PDGFD: variants seen among roughly 807,000 people sequenced by gnomAD.
PDGFD encodes platelet derived growth factor D.
PDGFD carries 30 observed loss-of-function variants against 44.7 expected under a neutral mutation model. That is an observed-to-expected ratio of 0.67 (90% CI 0.50 to 0.91). PDGFD has a LOEUF of 0.91. Among genes scored for constraint, PDGFD ranks in the 40% least tolerant of loss-of-function variants. PDGFD has a pLI of 0.00. For missense variants in PDGFD, 445 were observed against 457.8 expected (o/e 0.97, Z 0.25); for synonymous variants, 173 against 168.4 (o/e 1.03, Z -0.21).
chr11:104,085,005 T>C (rs1861109224), intron 1 of PDGFD, among the ~76,000 whole-genome samples: 1 of 150,140 alleles, frequency 6.7e-6, no homozygotes. Context: ...CTTCCCCCAA[T>C]GATAATATCT....
At chr11:103,918,636 G>A (rs954684522) in intron 6 of PDGFD, among the ~76,000 whole-genome samples, 2 of 152,074 alleles carry the variant, frequency 1.3e-5, no homozygotes, top group Non-Finnish European at 2.9e-5. Context: ...CGTGAGCACG[G>A]TATATATGTG....
At chr11:104,148,600 T>C (rs1216771272) in intron 1 of PDGFD, among the ~76,000 whole-genome samples, 2 of 152,200 alleles carry the variant, frequency 1.3e-5, no homozygotes, top group Admixed American at 1.3e-4. Context: ...CATTTTTAAC[T>C]TTTATTTTAA....
chr11:103,938,011 C>T (rs1195199130), intron 5 of PDGFD, among the ~76,000 whole-genome samples: 1 of 150,740 alleles, frequency 6.6e-6, no homozygotes, highest in Non-Finnish European at 1.5e-5. Context: ...CTGCTATAAA[C>T]ATACATGTGC....
At chr11:103,966,108 C>A (rs1859016605) in intron 3 of PDGFD, among the ~76,000 whole-genome samples, 2 of 152,080 alleles carry the variant, frequency 1.3e-5, no homozygotes, top group Admixed American at 6.6e-5. Flanking sequence ...CTATTTGGGT[C>A]AGGCAAAAAA....
intron 1 of PDGFD, among the ~76,000 whole-genome samples, chr11:104,118,880 T>C (rs1263261171): frequency 6.2e-4 from 59 of 94,822 alleles, no homozygotes; most frequent in African/African-American, 2.5e-3. Context: ...TTAATATACA[T>C]ATATATTATT....
At chr11:104,147,262 C>T (rs923821511) in intron 1 of PDGFD, among the ~76,000 whole-genome samples, 2 of 151,838 alleles carry the variant, frequency 1.3e-5, no homozygotes, top group South Asian at 2.1e-4. Flanking sequence ...CAACTTAGGT[C>T]GAGTTCTCCA....
intron 3 of PDGFD, among the ~76,000 whole-genome samples, chr11:103,984,057 G>C (rs1323488980): frequency 6.6e-6 from 1 of 151,482 alleles, no homozygotes; most frequent in African/African-American, 2.4e-5. Flanking sequence ...ATCCATTATT[G>C]GGTATATACC....
At chr11:104,082,686 C>A (rs1861062262) in intron 1 of PDGFD, among the ~76,000 whole-genome samples, 1 of 152,046 alleles carries the variant, frequency 6.6e-6, no homozygotes, top group Non-Finnish European at 1.5e-5. Context: ...GGCTGGAGTG[C>A]AGTGGTGTGA....
chr11:104,058,233 T>A (rs1860653854), intron 1 of PDGFD, among the ~76,000 whole-genome samples: 1 of 152,174 alleles, frequency 6.6e-6, no homozygotes, highest in African/African-American at 2.4e-5. Context: ...TGGGAGAAAT[T>A]ATTTGCAAAA....
chr11:103,991,094 G>A (rs140417019), intron 3 of PDGFD, among the ~76,000 whole-genome samples: 6,923 of 151,460 alleles, frequency 0.046, 225 homozygotes, highest in African/African-American at 0.09. Flanking sequence ...AGCCGAGATT[G>A]CACCACTGCA....
intron 1 of PDGFD, among the ~76,000 whole-genome samples, chr11:104,050,709 G>A (rs547400695): frequency 7.2e-5 from 11 of 152,026 alleles, no homozygotes; most frequent in Admixed American, 2.0e-4. Flanking sequence ...GCAGGTCTGG[G>A]GTACTCAATG....
chr11:104,052,613 C>T (rs928839000), intron 1 of PDGFD, among the ~76,000 whole-genome samples: 2 of 151,926 alleles, frequency 1.3e-5, no homozygotes, highest in South Asian at 2.1e-4. Context: ...TATTTTTTGG[C>T]GTGTGTTTGC....
intron 1 of PDGFD, among the ~76,000 whole-genome samples, chr11:104,061,474 C>T (rs1047749727): frequency 2.0e-5 from 3 of 152,012 alleles, no homozygotes; most frequent in Non-Finnish European, 2.9e-5. Context: ...TAACAGATGC[C>T]CTAATTTTAA....
At chr11:104,086,648 G>T (rs1262886980) in intron 1 of PDGFD, among the ~76,000 whole-genome samples, 1 of 152,150 alleles carries the variant, frequency 6.6e-6, no homozygotes, top group East Asian at 1.9e-4. Flanking sequence ...TCAGACCAAA[G>T]GATATTAACT....
At chr11:104,079,473 C>T (rs1305025343) in intron 1 of PDGFD, among the ~76,000 whole-genome samples, 2 of 152,088 alleles carry the variant, frequency 1.3e-5, no homozygotes, top group Admixed American at 6.6e-5. Flanking sequence ...CTGCAACCTC[C>T]GGCTCCCGGG....
intron 1 of PDGFD, among the ~76,000 whole-genome samples, chr11:104,124,070 A>C (rs1031702049): frequency 6.6e-6 from 1 of 152,076 alleles, no homozygotes; most frequent in South Asian, 2.1e-4. Context: ...AAGCAGTGAG[A>C]TATCGATGTA....
chr11:104,126,102 A>T (rs557917896), intron 1 of PDGFD, among the ~76,000 whole-genome samples: 5 of 152,274 alleles, frequency 3.3e-5, no homozygotes, highest in African/African-American at 1.2e-4. Context: ...AGAGAACTCC[A>T]CTAGCCTCAT....
rs9667293 is a variant in PDGFD, at chr11:103,912,222, C to G, written c.988-2403G>C. 6.6e-5 allele frequency among the ~76,000 whole-genome samples: 10 copies of G among 151,982 alleles called. No individual in the cohort carries two copies. The South Asian group carries it at 2.1e-3, about 32-fold the overall frequency. On this transcript the variant is annotated intron_variant, in intron 6 of 6. Coordinates refer to ENST00000393158, the MANE Select transcript of PDGFD (RefSeq NM_025208.5). The stretch of plus-strand genomic sequence containing the variant: ...ATGAAGGAAAAAATGTTAAGGGCAG[C>G]CAGAGAGAAAGGTTGGGTTACCCAC...
At chr11:104,045,932 G>A (rs1424212851) in intron 1 of PDGFD, among the ~76,000 whole-genome samples, 1 of 146,628 alleles carries the variant, frequency 6.8e-6, no homozygotes, top group Admixed American at 6.9e-5. Flanking sequence ...AAACATGGAG[G>A]GCTAGTGATT....
Sources: gnomAD v4.1 joint callset for allele counts (sites outside exome capture counted in the v4.1 genomes callset) on GRCh38, gnomAD v4.1.1 for gene constraint, MANE v1.5 for transcripts, NCBI Gene and HGNC (gene_info 2026-07-23, HGNC 2026-07-21) for gene names.